NXPE2: variants seen among roughly 807,000 people sequenced by gnomAD.
NXPE2 encodes the protein neurexophilin and PC-esterase domain family member 2.
In NXPE2, 34 loss-of-function variants were observed where a neutral mutation model predicts 34.4. The ratio of observed to expected loss-of-function variants is 0.99; its 90% CI spans 0.75 to 1.31. The LOEUF is 1.31. Ranked by LOEUF, NXPE2 falls within the 40% of genes most tolerant of loss-of-function variation. The probability of loss-of-function intolerance (pLI) is 0.00; values close to 1 mark genes in which losing one functional copy is unlikely to be tolerated. For missense variants in NXPE2, 649 were observed against 672.5 expected, an observed-to-expected ratio of 0.97 and a Z score of 0.39; for synonymous variants, 235 against 231.3, an observed-to-expected ratio of 1.02 and a Z score of -0.15.
chr11:114,800,822 T>G, the NXPE2 span, among the ~76,000 whole-genome samples: 1 of 123,640 alleles, frequency 8.1e-6, no homozygotes, highest in African/African-American at 2.8e-5. Context: ...GGGGATTAAA[T>G]CTGACTAATG....
chr11:114,580,405 C>T, the NXPE2 span: 1,708 of 1,380,548 alleles, frequency 1.2e-3, 13 homozygotes, highest in African/African-American at 0.022. Flanking sequence ...GTATTAAGAG[C>T]CTTCTATCCT....
At chr11:114,537,708 G>T in the NXPE2 span, among the ~76,000 whole-genome samples, 3 of 151,856 alleles carry the variant, frequency 2.0e-5, no homozygotes, top group Non-Finnish European at 1.5e-5. Flanking sequence ...AAAATACCTA[G>T]GAATCCAACT....
the NXPE2 span, among the ~76,000 whole-genome samples, chr11:114,637,118 C>A: frequency 2.6e-5 from 4 of 151,664 alleles, no homozygotes; most frequent in Admixed American, 1.3e-4. Flanking sequence ...GTAGGTCACT[C>A]AGGACTTGCT....
chr11:114,627,937 T>A, the NXPE2 span, among the ~76,000 whole-genome samples: 52 of 152,036 alleles, frequency 3.4e-4, no homozygotes, highest in Non-Finnish European at 6.3e-4. Flanking sequence ...CATTATTTAA[T>A]GGTAAAGGGA....
the NXPE2 span, among the ~76,000 whole-genome samples, chr11:114,555,766 A>G: frequency 6.6e-6 from 1 of 152,170 alleles, no homozygotes; most frequent in African/African-American, 2.4e-5. Context: ...TTTCATATAA[A>G]TGGAATAATG....
chr11:114,469,290 T>C, the NXPE2 span, among the ~76,000 whole-genome samples: 3 of 151,428 alleles, frequency 2.0e-5, no homozygotes, highest in Non-Finnish European at 4.4e-5. Flanking sequence ...TTTTTGTGTA[T>C]TTTTAGTAGA....
At chr11:114,620,445 TG>T in the NXPE2 span, among the ~76,000 whole-genome samples, 4 of 152,084 alleles carry the variant, frequency 2.6e-5, no homozygotes, top group African/African-American at 9.7e-5. Flanking sequence ...TGTTACCCAG[TG>T]GGTATTAATT....
the NXPE2 span, among the ~76,000 whole-genome samples, chr11:114,751,587 T>G: frequency 6.6e-6 from 1 of 152,132 alleles, no homozygotes; most frequent in African/African-American, 2.4e-5. Context: ...AGGTTAGGGC[T>G]TTCTGGTGGA....
chr11:114,800,458 A>G, the NXPE2 span, among the ~76,000 whole-genome samples: 1 of 152,150 alleles, frequency 6.6e-6, no homozygotes, highest in Non-Finnish European at 1.5e-5. Flanking sequence ...TGTTTGTTAA[A>G]CTGATTTTTT....
chr11:114,730,328 G>A, the NXPE2 span, among the ~76,000 whole-genome samples: 2 of 152,062 alleles, frequency 1.3e-5, no homozygotes, highest in Non-Finnish European at 2.9e-5. Flanking sequence ...TGGAAGTCGG[G>A]TAATGTGATG....
chr11:114,622,496 A>C, the NXPE2 span, among the ~76,000 whole-genome samples: 4 of 150,714 alleles, frequency 2.7e-5, no homozygotes, highest in African/African-American at 9.8e-5. Context: ...CACTGTTACC[A>C]AGTGGAAAAT....
At chr11:114,703,659 TAGA>T (rs1951409441) in intron 3 of NXPE2, among the ~76,000 whole-genome samples, 1 of 12,738 alleles carries the variant, frequency 7.9e-5, no homozygotes, top group East Asian at 1.4e-3. Context: ...TAAGCATAGA[TAGA>T]TAGATAGATA....
chr11:114,780,915 G>A, the NXPE2 span, among the ~76,000 whole-genome samples: 4 of 152,168 alleles, frequency 2.6e-5, no homozygotes, highest in Non-Finnish European at 4.4e-5. Context: ...ATGTGGCGTT[G>A]GGGGAGGAGA....
rs1951484686 is a variant in NXPE2, at chr11:114,706,793, A to G, written c.1543A>G (p.Arg515Gly). The change falls in exon 6 of 6, where the codon AGA becomes GGA. Residue 515 changes from arginine to glycine, a missense_variant. Coordinates refer to ENST00000389586, the MANE Select transcript of NXPE2 (RefSeq NM_182495.6). ...TGGCTATATTCAGAATCTTATCATAAGAGATATTTTTGTGGATCTTAATGT... is the reference window on the plus strand; with the variant it reads ...TGGCTATATTCAGAATCTTATCATAGGAGATATTTTTGTGGATCTTAATGT... ...FHGYIQNLIIRDIFVDLNVGI... is the reference protein window; with the variant it reads ...FHGYIQNLIIGDIFVDLNVGI... The G allele has an allele frequency of 6.4e-7, 1 of 1,552,328 alleles. No homozygotes were observed. The highest frequency in any genetic ancestry group is 8.7e-7 in the Non-Finnish European group (1 of 1,147,052).
chr11:114,508,515 A>G, the NXPE2 span, among the ~76,000 whole-genome samples: 1 of 152,262 alleles, frequency 6.6e-6, no homozygotes, highest in Non-Finnish European at 1.5e-5. Context: ...ACAGTAACCA[A>G]AACAGCAAGG....
At chr11:114,705,624 T>A (rs1951456526) in intron 4 of NXPE2, among the ~76,000 whole-genome samples, 157 bp from the exon 5 acceptor site, 1 of 152,028 alleles carries the variant, frequency 6.6e-6, no homozygotes. Context: ...TTTAACATGA[T>A]CTTATTAAAT....
chr11:114,746,180 T>C, the NXPE2 span, among the ~76,000 whole-genome samples: 1 of 152,124 alleles, frequency 6.6e-6, no homozygotes, highest in Admixed American at 6.5e-5. Flanking sequence ...GTACAAACTG[T>C]CTCATAATTT....
At chr11:114,665,471 A>AT in the NXPE2 span, among the ~76,000 whole-genome samples, 1 of 152,202 alleles carries the variant, frequency 6.6e-6, no homozygotes, top group Non-Finnish European at 1.5e-5. Context: ...AGTCCTTAAT[A>AT]TATCATTTCT....
chr11:114,536,128 T>G, the NXPE2 span, among the ~76,000 whole-genome samples: 1 of 152,080 alleles, frequency 6.6e-6, no homozygotes, highest in African/African-American at 2.4e-5. Flanking sequence ...ATTAAGAAAC[T>G]CACTCAAAAC....
Sources: allele counts gnomAD v4.1 joint callset (sites outside exome capture counted in the v4.1 genomes callset), GRCh38; gene constraint gnomAD v4.1.1; transcripts MANE v1.5; gene names NCBI Gene and HGNC (gene_info 2026-07-23, HGNC 2026-07-21).